SLC44A2: variants seen among roughly 807,000 people sequenced by gnomAD.
SLC44A2 encodes the protein choline transporter-like protein 2.
Under a neutral mutation model 90.8 loss-of-function variants are expected in SLC44A2, and 57 were observed. The ratio of observed to expected loss-of-function variants is 0.63; its 90% CI spans 0.51 to 0.78. The LOEUF (loss-of-function observed/expected upper bound fraction) is 0.78. Among genes scored for constraint, SLC44A2 ranks in the 30% least tolerant of loss-of-function variants. The pLI is 0.00. For missense variants in SLC44A2, 794 were observed against 919.7 expected, an observed-to-expected ratio of 0.86 and a Z score of 1.77; for synonymous variants, 355 against 360.7, an observed-to-expected ratio of 0.98 and a Z score of 0.18.
chr19:10,631,027 C>T (rs1294328021), intron 4 of SLC44A2, 30 bp from the exon 5 acceptor site: 2 of 1,417,402 alleles, frequency 1.4e-6, no homozygotes, highest in Middle Eastern at 3.6e-4. Context: ...AAAATCTTAA[C>T]AGTTTCCATT....
chr19:10,615,681 T>C (rs1422512771), intron 1 of SLC44A2, among the ~76,000 whole-genome samples: 3 of 151,684 alleles, frequency 2.0e-5, no homozygotes, highest in South Asian at 4.2e-4. Context: ...AGAAGAAAAA[T>C]TGTGTTTAAG....
intron 1 of SLC44A2, among the ~76,000 whole-genome samples, chr19:10,605,933 G>T (rs1209770668): frequency 6.6e-6 from 1 of 152,050 alleles, no homozygotes; most frequent in Admixed American, 6.6e-5. Context: ...GGCAGAGGTT[G>T]CAGTGAGCTG....
Position 10,610,383 on chromosome 19 carries a change from G to A in SLC44A2, c.31+7822G>A, listed in dbSNP as rs143833089. On this transcript the variant is annotated intron_variant, in intron 1 of 21. Coordinates refer to the SLC44A2 transcript ENST00000407327. Reference sequence around the variant, plus strand: ...GTCTCACTCAGTCACCCAGGCTGGAGTGCAGTGACGTGATCTCGGCTCACT... The same window carrying A: ...GTCTCACTCAGTCACCCAGGCTGGAATGCAGTGACGTGATCTCGGCTCACT... Among the ~76,000 whole-genome samples the A allele has an allele frequency of 4.5e-3, 646 of 144,368 alleles. 1 individual carries two copies. Among genetic ancestry groups the A allele is most frequent in the African/African-American group, 0.016 (611 of 38,968 alleles). The allele number at this position is 144,368 out of a possible 152,430, so 94.7% of individuals were successfully genotyped here. A position where few individuals can be genotyped will look rare whatever the true frequency, so the allele number is the denominator to read the frequency against.
At chr19:10,621,441 TG>T (rs768192015), upstream of SLC44A2, among the ~76,000 whole-genome samples, 390 of 130,332 alleles carry the variant, frequency 3.0e-3, 11 homozygotes, top group East Asian at 0.048. Context: ...TTTTTTTTTT[TG>T]GTTTTTGTGG....
In SLC44A2 at chr19:10,631,307, C is replaced by T. The variant is rs1568450161; in HGVS notation, c.363C>T (p.Leu121=). 1 of 1,614,168 alleles carries T rather than the reference C, an allele frequency of 6.2e-7. No individual in the cohort carries two copies. Among genetic ancestry groups the T allele is most frequent in the Non-Finnish European group, 8.5e-7 (1 of 1,180,046 alleles). Residue 121 remains leucine (L), a synonymous_variant, in exon 6 of 22, where the codon CTC becomes CTT. Transcript: ENST00000335757. ...TGGAAAAATGCCCCGACCGCTACCT[C>T]ACGTACCTGAATGCTCGCAGCTCCC... ...ICVEKCPDRY[L]TYLNARSSRD...
chr19:10,612,024 T>G (rs969299493), intron 1 of SLC44A2, among the ~76,000 whole-genome samples: 2 of 152,262 alleles, frequency 1.3e-5, no homozygotes, highest in Middle Eastern at 3.4e-3. Flanking sequence ...TCCTTCCAGA[T>G]TGTGACCTAT....
intron 4 of SLC44A2, among the ~76,000 whole-genome samples, chr19:10,628,723 G>A (rs192971933): frequency 2.4e-4 from 37 of 152,264 alleles, no homozygotes; most frequent in Admixed American, 1.0e-3. Context: ...TGGATTACGC[G>A]TCAGGTGGTG....
intron 1 of SLC44A2, among the ~76,000 whole-genome samples, chr19:10,620,343 T>C (rs1466986568): frequency 6.6e-6 from 1 of 151,894 alleles, no homozygotes; most frequent in East Asian, 1.9e-4. Flanking sequence ...TAGCCTGGCA[T>C]AGTGGTGTGC....
rs1280653558 is a variant in SLC44A2, at chr19:10,643,536, GGA to G, written c.*155_*156del. 1.4e-5 allele frequency: 13 copies of G among 908,474 alleles called. No individual in the cohort carries two copies. Among genetic ancestry groups the G allele is most frequent in the Non-Finnish European group, 1.8e-5 (11 of 626,164 alleles). 56.3% of individuals were successfully genotyped at this position (908,474 alleles called of 1,614,324 possible). A position where few individuals can be genotyped will look rare whatever the true frequency, so the allele number is the denominator to read the frequency against. ...CCAGATCCCACCAGTTTCTGGACGT[GGA>G]GAGTCTGGGGCATCTCCTTCTTATG... On this transcript the variant is annotated 3_prime_UTR_variant, in exon 22 of 22. Transcript: ENST00000335757.
intron 1 of SLC44A2, among the ~76,000 whole-genome samples, chr19:10,611,356 G>A (rs1052470780): frequency 6.6e-6 from 1 of 152,126 alleles, no homozygotes; most frequent in Non-Finnish European, 1.5e-5. Context: ...GGGGGCTGAG[G>A]CAGGAGAATT....
intron 1 of SLC44A2, among the ~76,000 whole-genome samples, chr19:10,610,370 C>T (rs1465404226): frequency 5.0e-5 from 7 of 139,678 alleles, no homozygotes; most frequent in African/African-American, 1.9e-4. Flanking sequence ...CTCACTCAGT[C>T]ACCCAGGCTG....
intron 20 of SLC44A2, among the ~76,000 whole-genome samples, chr19:10,638,796 G>A (rs2067086312): frequency 6.6e-6 from 1 of 151,034 alleles, no homozygotes; most frequent in Non-Finnish European, 1.5e-5. Context: ...CACCACACCT[G>A]GCTAACTTTT....
chr19:10,610,631 C>CTTTTTTTTTTTTTTTT lies in SLC44A2; in HGVS notation c.31+8080_31+8095dup, dbSNP rs56002726. On this transcript the variant is annotated intron_variant, in intron 1 of 21. Transcript: ENST00000407327. Reference sequence around the variant, plus strand: ...TACAGTCGTGAGCCACCGCGCCTGGCTTTTTTTTTTTTTTTTTTTTTTTTT... The same window carrying CTTTTTTTTTTTTTTTT: ...TACAGTCGTGAGCCACCGCGCCTGGCTTTTTTTTTTTTTTTTTTTTTTTTTTTTTTTTTTTTTTTTT... Among the ~76,000 whole-genome samples, 8 of 48,014 alleles carry CTTTTTTTTTTTTTTTT rather than the reference C, an allele frequency of 1.7e-4. 1 individual carries two copies. Among genetic ancestry groups the CTTTTTTTTTTTTTTTT allele is most frequent in the African/African-American group, 6.4e-4 (7 of 10,906 alleles). The allele number at this position is 48,014 out of a possible 152,430, so 31.5% of individuals were successfully genotyped here.
rs201474157 is a variant in SLC44A2 at position 10,626,355 on chromosome 19, G to A, written c.86+54G>A. The A allele has an allele frequency of 6.2e-6, 8 of 1,287,198 alleles. No homozygotes were observed. In the Admixed American group the frequency reaches 1.0e-4, roughly 16 times the overall value. The allele number at this position is 1,287,198 out of a possible 1,614,324, so 79.7% of individuals were successfully genotyped here. ...CCCCGCTAATACTACCCCAATCCCTGTCTCTTCACACCCCCTCCCATCTGT... is the reference window on the plus strand; with the variant it reads ...CCCCGCTAATACTACCCCAATCCCTATCTCTTCACACCCCCTCCCATCTGT... On this transcript the variant is annotated intron_variant, in intron 2 of 21. Coordinates refer to ENST00000335757, the MANE Select transcript of SLC44A2 (RefSeq NM_020428.4).
In SLC44A2 at chr19:10,631,509, C is replaced by T. The variant is rs2066994114; in HGVS notation, c.476C>T (p.Pro159Leu). ...GAGGTGCTTCAAGATGGTGACTGCCCTGCTGTCCTCATCCCCAGCAAACCC... is the reference window on the plus strand; with the variant it reads ...GAGGTGCTTCAAGATGGTGACTGCCTTGCTGTCCTCATCCCCAGCAAACCC... ...VAEVLQDGDC[P>L]AVLIPSKPLA... is the part of the protein sequence containing the mutation. The change falls in exon 7 of 22, where the codon CCT becomes CTT. Residue 159 changes from proline to leucine, a missense_variant. Around this residue, in one of 3 missense-constraint regions of SLC44A2, gnomAD observed 738 missense variants for 841.1 expected, o/e 0.88. Transcript: ENST00000335757. 6.2e-7 allele frequency: 1 copy of T among 1,613,910 alleles called. No homozygotes were observed. The highest frequency in any genetic ancestry group is 1.3e-5 in the African/African-American group (1 of 74,910).
At chr19:10,628,789 C>T (rs1477993115) in intron 4 of SLC44A2, among the ~76,000 whole-genome samples, 1 of 152,148 alleles carries the variant, frequency 6.6e-6, no homozygotes, top group East Asian at 1.9e-4. Flanking sequence ...CTTCCTGGCT[C>T]TGTGACCTAG....
chr19:10,627,866 C>T (rs2066950800), intron 3 of SLC44A2, 54 bp from the exon 4 acceptor site: 1 of 1,611,274 alleles, frequency 6.2e-7, no homozygotes, highest in Non-Finnish European at 8.5e-7. Context: ...GGAGTGGGAA[C>T]AGGGCTGGAT....
chr19:10,625,501 G>A, upstream of SLC44A2: 1 of 1,222,802 alleles, frequency 8.2e-7, no homozygotes, highest in South Asian at 4.2e-5. Context: ...GACCGGTTTG[G>A]GCCGCCCCGC....
chr19:10,619,497 C>T (rs2066882006), intron 1 of SLC44A2, among the ~76,000 whole-genome samples: 1 of 149,128 alleles, frequency 6.7e-6, no homozygotes, highest in African/African-American at 2.5e-5. Context: ...GGAGGCTGCT[C>T]GATTTGCAAT....
Sources: allele counts gnomAD v4.1 joint callset (sites outside exome capture counted in the v4.1 genomes callset), GRCh38; gene constraint gnomAD v4.1.1; regional missense constraint gnomAD v4.1.1; transcripts MANE v1.5; gene names NCBI Gene and HGNC (gene_info 2026-07-23, HGNC 2026-07-21).